HSPA12B: variants seen among roughly 807,000 people sequenced by gnomAD.
HSPA12B encodes heat shock 70 kDa protein 12B.
Under a neutral mutation model 69.3 loss-of-function variants are expected in HSPA12B, and 54 were observed. The observed-to-expected ratio is 0.78, with a 90% CI of 0.63 to 0.98. The LOEUF (loss-of-function observed/expected upper bound fraction) is 0.98, where lower values mean the gene tolerates loss of function less well. Ranked by LOEUF, HSPA12B falls within the 50% of genes least tolerant of loss-of-function variation. HSPA12B has a pLI of 0.00. For synonymous variants in HSPA12B, 441 were observed against 436.5 expected, an observed-to-expected ratio of 1.01 and a Z score of -0.13; for missense variants, 929 against 999.8, an observed-to-expected ratio of 0.93 and a Z score of 0.96.
rs1287446434 is a variant in HSPA12B at position 3,748,214 on chromosome 20, C to T, written c.676-3C>T. On this transcript the variant is annotated splice_polypyrimidine_tract_variant and splice_region_variant and intron_variant, in intron 7 of 12. Transcript: ENST00000254963. Reference sequence around the variant, plus strand: ...CCTGACCCTGCCCACCACCCATCCCCAGGCTGGACTAGTGTCCCGAGAGAA... The same window carrying T: ...CCTGACCCTGCCCACCACCCATCCCTAGGCTGGACTAGTGTCCCGAGAGAA... 1 of 1,547,810 alleles carries T rather than the reference C, an allele frequency of 6.5e-7. No homozygotes were observed. The highest frequency in any genetic ancestry group is 1.4e-5 in the African/African-American group (1 of 72,606).
intron 11 of HSPA12B, 50 bp downstream of exon 11, chr20:3,750,277 AC>A (rs1384462062): frequency 6.6e-7 from 1 of 1,522,660 alleles, no homozygotes; most frequent in Non-Finnish European, 8.8e-7. Flanking sequence ...CCCGGGAATG[AC>A]CGTGCACTGG....
intron 1 of HSPA12B, among the ~76,000 whole-genome samples, chr20:3,734,309 A>G (rs1456930392): frequency 1.3e-5 from 2 of 152,134 alleles, no homozygotes; most frequent in Admixed American, 6.5e-5. Flanking sequence ...GGCCCTGCCT[A>G]TTGGGTAGAA....
At chr20:3,736,523 C>A (rs541928557) in intron 1 of HSPA12B, among the ~76,000 whole-genome samples, 230 of 152,362 alleles carry the variant, frequency 1.5e-3, no homozygotes, top group African/African-American at 5.2e-3. Flanking sequence ...AGCTCTGTGT[C>A]TGCCTGTGTT....
intron 7 of HSPA12B, among the ~76,000 whole-genome samples, chr20:3,747,133 C>T (rs990406597): frequency 6.6e-6 from 1 of 152,116 alleles, no homozygotes; most frequent in Non-Finnish European, 1.5e-5. Flanking sequence ...GGGGGGGGCT[C>T]CCGTGGAGAC....
chr20:3,748,921 C>T (rs2088357943), intron 8 of HSPA12B, among the ~76,000 whole-genome samples: 2 of 152,186 alleles, frequency 1.3e-5, no homozygotes, highest in Non-Finnish European at 2.9e-5. Flanking sequence ...AGTCCTGAGT[C>T]CCCTCTGAGA....
chr20:3,745,028 C>G lies in HSPA12B; in HGVS notation c.393C>G (p.Pro131=). The G allele has an allele frequency of 6.2e-7, 1 of 1,614,026 alleles. No homozygotes were observed. The highest frequency in any genetic ancestry group is 8.5e-7 in the Non-Finnish European group (1 of 1,180,042). The change falls in exon 5 of 13, where the codon CCC becomes CCG. Residue 131 remains proline, a synonymous_variant. Coordinates refer to ENST00000254963, the MANE Select transcript of HSPA12B (RefSeq NM_052970.5). This position sits in a 1 kb window ranked among gnomAD's most constrained non-coding sequence, Gnocchi z 5.6. ...GCGATTACTACCATGACCTGGACCCCGAAGAGGCGCGGGACTGGCTCTACT... is the reference window on the plus strand; with the variant it reads ...GCGATTACTACCATGACCTGGACCCGGAAGAGGCGCGGGACTGGCTCTACT... The part of the protein sequence containing the change: ...TARDYYHDLD[P]EEARDWLYFE...
At position 3,750,066 on chromosome 20, in the gene HSPA12B, G is replaced by A. The variant is rs944947114; in HGVS notation, c.1140G>A (p.Arg380=). 1.2e-6 allele frequency: 2 copies of A among 1,611,304 alleles called. No homozygotes were observed. The highest frequency in any genetic ancestry group is 2.7e-5 in the African/African-American group (2 of 74,914). ...EDFIATFKRQ[R]PAAWVDLTIA... is the part of the protein sequence containing the mutation. ...TCATCGCCACCTTCAAAAGGCAACGGCCGGCAGCCTGGGTAGATCTGACCA... is the reference window on the plus strand; with the variant it reads ...TCATCGCCACCTTCAAAAGGCAACGACCGGCAGCCTGGGTAGATCTGACCA... The change falls in exon 11 of 13, where the codon CGG becomes CGA. Residue 380 remains arginine (R), a synonymous_variant. Transcript: ENST00000254963.
At chr20:3,750,576 A>T in intron 11 of HSPA12B, 1 of 751,964 alleles carries the variant, frequency 1.3e-6, no homozygotes, top group Non-Finnish European at 1.6e-6. Context: ...CCCTCCCAGG[A>T]CCTCGTACCT....
intron 11 of HSPA12B, 86 bp from the exon 12 acceptor site, chr20:3,750,718 G>C: frequency 6.2e-7 from 1 of 1,603,338 alleles, no homozygotes; most frequent in Non-Finnish European, 8.5e-7. Context: ...TGGAGGCAGA[G>C]GTAGAGAATA....
chr20:3,735,289 T>C (rs904469177), intron 1 of HSPA12B, among the ~76,000 whole-genome samples: 1 of 152,202 alleles, frequency 6.6e-6, no homozygotes, highest in Non-Finnish European at 1.5e-5. Flanking sequence ...TGTGGCATGA[T>C]GCACTCACGC....
intron 12 of HSPA12B, 164 bp from the exon 13 acceptor site, chr20:3,751,347 G>A (rs2088416579): frequency 1.0e-6 from 1 of 985,394 alleles, no homozygotes. Context: ...ACTCCCGTGA[G>A]CTCTCAAAGA....
chr20:3,745,995 G>A lies in HSPA12B; in HGVS notation c.639G>A (p.Gln213=), dbSNP rs773213999. The change falls in exon 7 of 13, where the codon CAG becomes CAA. Residue 213 remains glutamine, a synonymous_variant. Coordinates refer to ENST00000254963, the MANE Select transcript of HSPA12B (RefSeq NM_052970.5). The surrounding 1 kb of genome is among the most constrained non-coding windows in gnomAD (Gnocchi z 5.6). The stretch of plus-strand genomic sequence containing the variant: ...TGACGGTGCCTGCCATCTGGAAACA[G>A]CCAGCCAAGCAGTTCATGCGGGAGG... ...WVLTVPAIWK[Q]PAKQFMREAA... is the part of the protein sequence containing the mutation. 1 of 1,613,982 alleles carries A rather than the reference G, an allele frequency of 6.2e-7. No homozygotes were observed. Among genetic ancestry groups the A allele is most frequent in the South Asian group, 1.1e-5 (1 of 91,078 alleles).
chr20:3,748,188 G>A, intron 7 of HSPA12B, 29 bp from the exon 8 acceptor site: 1 of 1,512,696 alleles, frequency 6.6e-7, no homozygotes, highest in Non-Finnish European at 8.9e-7. Context: ...CCACAGTGCT[G>A]CCTGACCCTG....
intron 3 of HSPA12B, 126 bp from the exon 4 acceptor site, chr20:3,742,158 C>A: frequency 7.0e-7 from 1 of 1,425,000 alleles, no homozygotes. Flanking sequence ...TGGGCCAGGT[C>A]CAGGGCTGGT....
rs1489565366 is a variant in HSPA12B at position 3,745,453 on chromosome 20, A to C, written c.454-40A>C. The C allele has an allele frequency of 6.9e-7, 1 of 1,450,510 alleles. No homozygotes were observed. Among genetic ancestry groups the C allele is most frequent in the Non-Finnish European group, 9.7e-7 (1 of 1,030,926 alleles). 89.9% of individuals were successfully genotyped at this position (1,450,510 alleles called of 1,614,324 possible). On this transcript the variant is annotated intron_variant, in intron 5 of 12. Transcript: ENST00000254963. This position sits in a 1 kb window ranked among gnomAD's most constrained non-coding sequence, Gnocchi z 5.6. ...CGAGGTCGTCAGGAAATGAGTGCCA[A>C]GCTGAGGCCTCCTGCAGAGCCGCCC...
chr20:3,751,321 G>A, intron 12 of HSPA12B, 190 bp from the exon 13 acceptor site: 1 of 985,466 alleles, frequency 1.0e-6, no homozygotes, highest in Non-Finnish European at 1.2e-6. Context: ...GTGTTGGGGA[G>A]GCGAAGCCCT....
chr20:3,752,395 C>G lies in HSPA12B; in HGVS notation c.*229C>G. 1 of 467,272 alleles carries G rather than the reference C, an allele frequency of 2.1e-6. No homozygotes were observed. Among genetic ancestry groups the G allele is most frequent in the Non-Finnish European group, 3.7e-6 (1 of 269,740 alleles). 28.9% of individuals were successfully genotyped at this position (467,272 alleles called of 1,614,324 possible). ...CTGACTGCCAGGCTGAAGGGACCCG[C>G]CAAGGACTGAACGGGTAAGAGAAGA... On this transcript the variant is annotated 3_prime_UTR_variant, in exon 13 of 13. Coordinates refer to ENST00000254963, the MANE Select transcript of HSPA12B (RefSeq NM_052970.5).
At chr20:3,736,935 G>A (rs563373870) in intron 1 of HSPA12B, among the ~76,000 whole-genome samples, 1 of 152,326 alleles carries the variant, frequency 6.6e-6, no homozygotes, top group East Asian at 1.9e-4. Flanking sequence ...TGTGGCCCCA[G>A]CTACTTGGGA....
At chr20:3,743,825 G>A (rs2088250544) in intron 4 of HSPA12B, among the ~76,000 whole-genome samples, 1 of 151,662 alleles carries the variant, frequency 6.6e-6, no homozygotes, top group Admixed American at 6.6e-5. Flanking sequence ...GATTCCTAGA[G>A]GTGATTCCTA....
Sources: gnomAD v4.1 joint callset for allele counts (sites outside exome capture counted in the v4.1 genomes callset) on GRCh38, gnomAD v4.1.1 for gene constraint, Gnocchi (gnomAD v3.1) non-coding constraint, MANE v1.5 for transcripts, NCBI Gene and HGNC (gene_info 2026-07-23, HGNC 2026-07-21) for gene names.